Variants in MICU2 observed in about 807,000 individuals in gnomAD.
MICU2 encodes calcium uptake protein 2, mitochondrial.
In MICU2, 64 loss-of-function variants were observed where a neutral mutation model predicts 60.4. The ratio of observed to expected loss-of-function variants is 1.06; its 90% confidence interval spans 0.87 to 1.31. The LOEUF is 1.31. MICU2 is among the 50% of genes most tolerant of loss of function. The pLI, the probability that MICU2 is intolerant of heterozygous loss-of-function variation, is 0.00. For missense variants in MICU2, 569 were observed against 531.0 expected, an observed-to-expected ratio of 1.07 and a Z score of -0.70; for synonymous variants, 201 against 175.0, an observed-to-expected ratio of 1.15 and a Z score of -1.17.
intron 2 of MICU2, among the ~76,000 whole-genome samples, chr13:21,545,833 G>A (rs906844044): frequency 7.5e-6 from 1 of 134,224 alleles, no homozygotes; most frequent in Non-Finnish European, 1.7e-5. Flanking sequence ...ATATACCACT[G>A]TAAGATAACT....
chr13:21,580,974 A>G (rs970970064), intron 1 of MICU2, among the ~76,000 whole-genome samples: 1 of 152,224 alleles, frequency 6.6e-6, no homozygotes, highest in Non-Finnish European at 1.5e-5. Context: ...CAGAGTCAGA[A>G]CAAAAGAGAT....
At chr13:21,506,988 A>C (rs985036791) in intron 8 of MICU2, among the ~76,000 whole-genome samples, 2 of 152,244 alleles carry the variant, frequency 1.3e-5, no homozygotes, top group African/African-American at 4.8e-5. Context: ...TGAAAATATT[A>C]TTAGAAGCCA....
intron 4 of MICU2, among the ~76,000 whole-genome samples, chr13:21,523,479 A>G (rs563375125): frequency 7.8e-4 from 119 of 152,256 alleles, no homozygotes; most frequent in Non-Finnish European, 1.4e-3. Flanking sequence ...ATATACTGAG[A>G]GTCAAATTAC....
At chr13:21,543,680 T>C (rs1027039540) in intron 2 of MICU2, among the ~76,000 whole-genome samples, 1 of 152,014 alleles carries the variant, frequency 6.6e-6, no homozygotes, top group Non-Finnish European at 1.5e-5. Flanking sequence ...TACAGACGAA[T>C]GGAAAAACAT....
chr13:21,528,593 T>C (rs1383358237), intron 4 of MICU2, among the ~76,000 whole-genome samples: 4 of 152,194 alleles, frequency 2.6e-5, no homozygotes, highest in Non-Finnish European at 4.4e-5. Context: ...TAAACAATTC[T>C]ACTGTTCTCT....
chr13:21,493,338 T>A lies in MICU2; in HGVS notation c.1216A>T (p.Ser406Cys). 1 of 1,605,586 alleles carries A rather than the reference T, an allele frequency of 6.2e-7. No homozygotes were observed. The highest frequency in any genetic ancestry group is 8.5e-7 in the Non-Finnish European group (1 of 1,176,992). ...ACACACTTCCAGTATTCTTGTATAC[T>A]CTGATGTTGTGGTACCTGTTAACCG... ...HRGLWVPQHQ[S>C]IQEYWKCVKK... Residue 406 changes from serine to cysteine, a missense_variant, in exon 12 of 12, where the codon AGT (serine) becomes TGT (cysteine). Ser to Cys is a moderately radical substitution (Grantham distance 112, BLOSUM62 -1). Coordinates refer to ENST00000382374, the MANE Select transcript of MICU2 (RefSeq NM_152726.3).
At chr13:21,550,469 T>C (rs1198270617) in intron 2 of MICU2, among the ~76,000 whole-genome samples, 1 of 152,088 alleles carries the variant, frequency 6.6e-6, no homozygotes, top group Non-Finnish European at 1.5e-5. Context: ...ACCCAGGAGG[T>C]TGAGGCTGCA....
intron 8 of MICU2, among the ~76,000 whole-genome samples, chr13:21,507,402 TATG>T (rs1886315419): frequency 1.3e-5 from 2 of 152,240 alleles, no homozygotes; most frequent in South Asian, 2.1e-4. Flanking sequence ...ATATCAGTAT[TATG>T]ATAATAGCTT....
chr13:21,603,599 C>T lies in MICU2; in HGVS notation c.210+340G>A, dbSNP rs751328172. On this transcript the variant is annotated intron_variant, in intron 1 of 11. Coordinates refer to ENST00000382374, the MANE Select transcript of MICU2 (RefSeq NM_152726.3). The stretch of plus-strand genomic sequence containing the variant: ...CAGAGAGGTAGCAAGAGGCGAGGCG[C>T]AGTGAGATTCTGAATTAGGAGCCTC... 72 of 356,336 alleles carry T rather than the reference C, an allele frequency of 2.0e-4. 1 individual carries two copies. The highest frequency in any genetic ancestry group is 2.5e-4 in the Non-Finnish European group (49 of 195,950). 22.1% of individuals were successfully genotyped at this position (356,336 alleles called of 1,614,324 possible). A position where few individuals can be genotyped will look rare whatever the true frequency, so the allele number is the denominator to read the frequency against.
chr13:21,525,878 C>T (rs868617626), intron 4 of MICU2, among the ~76,000 whole-genome samples: 25 of 151,282 alleles, frequency 1.7e-4, no homozygotes, highest in Middle Eastern at 3.4e-3. Context: ...TGACAGTGTT[C>T]TTTGATTCAC....
intron 1 of MICU2, among the ~76,000 whole-genome samples, chr13:21,572,699 C>G (rs1408974732): frequency 6.6e-6 from 1 of 152,112 alleles, no homozygotes; most frequent in African/African-American, 2.4e-5. Context: ...AGGAGGACCT[C>G]GCTAAAGTAT....
intron 8 of MICU2, among the ~76,000 whole-genome samples, chr13:21,505,578 A>G (rs773796153): frequency 9.8e-5 from 15 of 152,326 alleles, no homozygotes; most frequent in South Asian, 2.1e-4. Flanking sequence ...GATTAGTTGT[A>G]TAAGTAAAAA....
At chr13:21,568,090 A>T (rs773447951) in intron 1 of MICU2, among the ~76,000 whole-genome samples, 1 of 152,180 alleles carries the variant, frequency 6.6e-6, no homozygotes, top group African/African-American at 2.4e-5. Context: ...CTTCCTGGAC[A>T]TATCACCTTC....
intron 9 of MICU2, among the ~76,000 whole-genome samples, chr13:21,497,302 C>CCT (rs1886025264): frequency 6.6e-6 from 1 of 150,486 alleles, no homozygotes; most frequent in African/African-American, 2.5e-5. Context: ...GAGGCGGAGG[C>CCT]TACAGTGAGC....
chr13:21,554,982 T>A (rs1887666612), intron 2 of MICU2, among the ~76,000 whole-genome samples: 2 of 152,144 alleles, frequency 1.3e-5, no homozygotes, highest in African/African-American at 4.8e-5. Context: ...AGAAGTTGAA[T>A]CTCTGAATAG....
In MICU2 at chr13:21,513,221, T is replaced by C. The variant is rs544345846; in HGVS notation, c.663+1132A>G. Among the ~76,000 whole-genome samples, 16 of 152,250 alleles carry C rather than the reference T, an allele frequency of 1.1e-4. No homozygotes were observed. The East Asian group carries it at 2.9e-3, about 28-fold the overall frequency. ...GTTTCATTTCTTACTTTCCAATCAA[T>C]AGGCCTTTTATTTCCTTGTCTTGCC... On this transcript the variant is annotated intron_variant, in intron 7 of 11. Coordinates refer to ENST00000382374, the MANE Select transcript of MICU2 (RefSeq NM_152726.3).
In MICU2 at chr13:21,493,176, T is replaced by C. The variant is rs758471056; in HGVS notation, c.*73A>G. The C allele has an allele frequency of 8.0e-6, 7 of 875,134 alleles. No individual in the cohort carries two copies. The highest frequency in any genetic ancestry group is 5.2e-5 in the African/African-American group (3 of 58,088). The allele number at this position is 875,134 out of a possible 1,614,324, so 54.2% of individuals were successfully genotyped here. A position where few individuals can be genotyped will look rare whatever the true frequency, so the allele number is the denominator to read the frequency against. ...ATCAATGAAGACTTAAGAAGATAAA[T>C]AGCAAGTACTTCTAAAAAATCACAA... On this transcript the variant is annotated 3_prime_UTR_variant, in exon 12 of 12. Coordinates refer to ENST00000382374, the MANE Select transcript of MICU2 (RefSeq NM_152726.3).
intron 1 of MICU2, among the ~76,000 whole-genome samples, chr13:21,567,545 A>G (rs998890469): frequency 3.3e-5 from 5 of 152,236 alleles, no homozygotes; most frequent in African/African-American, 7.2e-5. Flanking sequence ...TTAGATAAAT[A>G]GCTTTGCTTT....
At position 21,539,678 on chromosome 13, in the gene MICU2, T is replaced by G. The variant is rs1887234187; in HGVS notation, c.369A>C (p.Ser123=). ...TTACCTTTTTTGTCAGCTTCTTGACTGAAGTTTTACCTACAACAAATAAGA... is the reference window on the plus strand; with the variant it reads ...TTACCTTTTTTGTCAGCTTCTTGACGGAAGTTTTACCTACAACAAATAAGA... ...VMFEQMERKT[S]VKKLTKKDIE... The change falls in exon 3 of 12, where the codon TCA becomes TCC. Residue 123 remains serine, a synonymous_variant. Coordinates refer to ENST00000382374, the MANE Select transcript of MICU2 (RefSeq NM_152726.3). The G allele has an allele frequency of 6.2e-7, 1 of 1,613,988 alleles. No homozygotes were observed. The highest frequency in any genetic ancestry group is 1.7e-5 in the Admixed American group (1 of 59,994).
Sources: gnomAD v4.1 joint callset for allele counts (sites outside exome capture counted in the v4.1 genomes callset) on GRCh38, gnomAD v4.1.1 for gene constraint, MANE v1.5 for transcripts, NCBI Gene and HGNC (gene_info 2026-07-23, HGNC 2026-07-21) for gene names.